SMARCA5: variants seen among roughly 807,000 people sequenced by gnomAD.
SMARCA5 encodes the protein SWI/SNF-related matrix-associated actin-dependent regulator of chromatin subfamily A member 5.
A neutral mutation model predicts 140.4 loss-of-function variants in SMARCA5; 18 were observed. The ratio of observed to expected loss-of-function variants is 0.13; its 90% confidence interval spans 0.09 to 0.19. SMARCA5 has a LOEUF of 0.19. Among genes scored for constraint, SMARCA5 ranks in the 10% least tolerant of loss-of-function variants. SMARCA5 has a pLI of 1.00. For missense variants in SMARCA5, 606 were observed against 1,276.8 expected (o/e 0.47, Z 8.01); for synonymous variants, 449 against 419.6 (o/e 1.07, Z -0.86).
In SMARCA5 at chr4:143,539,025, C is replaced by T; in HGVS notation, c.1770+87C>T. 3.5e-6 allele frequency: 4 copies of T among 1,158,574 alleles called. No homozygotes were observed. In the South Asian group the frequency reaches 5.7e-5, roughly 17 times the overall value. The allele number at this position is 1,158,574 out of a possible 1,614,324, so 71.8% of individuals were successfully genotyped here. On this transcript the variant is annotated intron_variant, in intron 13 of 23. Transcript: ENST00000283131. ...ATTCTACAAATATCAGTGACTTAAC[C>T]CAATAGAATTTTATTTTTCTCTAAT...
At chr4:143,527,161 A>C (rs1737091477) in intron 6 of SMARCA5, among the ~76,000 whole-genome samples, 1 of 152,224 alleles carries the variant, frequency 6.6e-6, no homozygotes, top group South Asian at 2.1e-4. Context: ...AAATAAGTTA[A>C]AATTTCGATC....
chr4:143,554,947 T>C lies in SMARCA5; in HGVS notation c.*1763T>C. 1 of 393,946 alleles carries C rather than the reference T, an allele frequency of 2.5e-6. No individual in the cohort carries two copies. Among genetic ancestry groups the C allele is most frequent in the South Asian group, 2.2e-5 (1 of 45,956 alleles). The allele number at this position is 393,946 out of a possible 1,614,324, so 24.4% of individuals were successfully genotyped here. Reference sequence around the variant, plus strand: ...GAAACTGTGTGAAGGGAAACTCACTTGAAAAAAAAGCATGAACCAGCTAGG... The same window carrying C: ...GAAACTGTGTGAAGGGAAACTCACTCGAAAAAAAAGCATGAACCAGCTAGG... On this transcript the variant is annotated 3_prime_UTR_variant, in exon 24 of 24. Transcript: ENST00000283131.
chr4:143,555,338 T>C lies in SMARCA5; in HGVS notation c.*2154T>C. The C allele has an allele frequency of 1.4e-6, 1 of 730,258 alleles. No homozygotes were observed. 45.2% of individuals were successfully genotyped at this position (730,258 alleles called of 1,614,324 possible). ...ATTGCTTCAATCATTACCAAATCTA[T>C]TATAGCAATCCCCACTGCCACCATA... On this transcript the variant is annotated 3_prime_UTR_variant, in exon 24 of 24. Coordinates refer to ENST00000283131, the MANE Select transcript of SMARCA5 (RefSeq NM_003601.4).
chr4:143,521,335 G>C (rs1274089521), intron 2 of SMARCA5, 94 bp from the exon 3 acceptor site: 2 of 635,950 alleles, frequency 3.1e-6, no homozygotes, highest in South Asian at 6.2e-5. Flanking sequence ...TTTTTTTTTT[G>C]CTGAGTTCAT....
chr4:143,533,057 A>G (rs1737228501), intron 9 of SMARCA5, among the ~76,000 whole-genome samples: 1 of 152,228 alleles, frequency 6.6e-6, no homozygotes, highest in African/African-American at 2.4e-5. Flanking sequence ...GAACAGAGGT[A>G]CAAAAAAGGG....
chr4:143,547,996 T>C lies in SMARCA5; in HGVS notation c.2841T>C (p.Tyr947=). 6.2e-7 allele frequency: 1 copy of C among 1,611,684 alleles called. No homozygotes were observed. Among genetic ancestry groups the C allele is most frequent in the South Asian group, 1.1e-5 (1 of 91,006 alleles). The part of the protein sequence containing the change: ...ISYGTNKGKN[Y]TEEEDRFLIC... ...ATGGTACTAACAAAGGAAAAAACTATACTGAAGAAGAAGATCGTTTTCTGA... is the reference window on the plus strand; with the variant it reads ...ATGGTACTAACAAAGGAAAAAACTACACTGAAGAAGAAGATCGTTTTCTGA... Residue 947 remains tyrosine, a synonymous_variant, in exon 22 of 24, where the codon TAT becomes TAC. Transcript: ENST00000283131.
chr4:143,549,633 A>G (rs1049225231), intron 22 of SMARCA5, among the ~76,000 whole-genome samples: 1 of 152,110 alleles, frequency 6.6e-6, no homozygotes, highest in Non-Finnish European at 1.5e-5. Flanking sequence ...TGACCCTCAC[A>G]TATGTGCACT....
intron 3 of SMARCA5, 81 bp from the exon 4 acceptor site, chr4:143,524,286 C>T: frequency 2.2e-6 from 2 of 895,954 alleles, no homozygotes; most frequent in South Asian, 3.8e-5. Flanking sequence ...TCTTGGTCAG[C>T]CACTTGACTA....
At chr4:143,524,719 C>T (rs898526480) in intron 4 of SMARCA5, among the ~76,000 whole-genome samples, 2 of 152,070 alleles carry the variant, frequency 1.3e-5, no homozygotes, top group East Asian at 1.9e-4. Flanking sequence ...ATCTAAGGAT[C>T]GTTTTGCTTT....
chr4:143,521,296 A>T (rs1578791673), intron 2 of SMARCA5, 133 bp from the exon 3 acceptor site: 3 of 598,838 alleles, frequency 5.0e-6, no homozygotes, highest in Non-Finnish European at 8.7e-6. Flanking sequence ...TTTGAAACTC[A>T]TCCATGTTGC....
chr4:143,514,995 T>G (rs974132788), intron 1 of SMARCA5, among the ~76,000 whole-genome samples: 1 of 152,180 alleles, frequency 6.6e-6, no homozygotes, highest in Non-Finnish European at 1.5e-5. Flanking sequence ...TGGATATGCT[T>G]CCAGGCTTTG....
chr4:143,522,140 A>G (rs1485638202), intron 3 of SMARCA5, among the ~76,000 whole-genome samples: 1 of 152,172 alleles, frequency 6.6e-6, no homozygotes, highest in African/African-American at 2.4e-5. Context: ...AGATGTTGAC[A>G]GTATTTTATC....
rs139038706 is a variant in SMARCA5 at position 143,531,568 on chromosome 4, C to G, written c.1158+1042C>G. Reference sequence around the variant, plus strand: ...AGCATGTTTAATAGCATCCCTGATACTTTTACTCACTAGATGGCAGTAGTA... The same window carrying G: ...AGCATGTTTAATAGCATCCCTGATAGTTTTACTCACTAGATGGCAGTAGTA... On this transcript the variant is annotated intron_variant, in intron 9 of 23. Coordinates refer to ENST00000283131, the MANE Select transcript of SMARCA5 (RefSeq NM_003601.4). 1.8e-3 allele frequency among the ~76,000 whole-genome samples: 270 copies of G among 152,270 alleles called. 1 individual carries two copies. The highest frequency in any genetic ancestry group is 6.1e-3 in the African/African-American group (255 of 41,554).
At chr4:143,534,818 A>G in intron 9 of SMARCA5, 37 bp from the exon 10 acceptor site, 2 of 1,421,756 alleles carry the variant, frequency 1.4e-6, no homozygotes, top group Non-Finnish European at 9.7e-7. Context: ...CTTATGTGTA[A>G]TATTGGTATT....
rs762920598 is a variant in SMARCA5, at chr4:143,513,808, G to A, written c.-117G>A. On this transcript the variant is annotated 5_prime_UTR_variant, in exon 1 of 24. The change creates a new upstream start codon in the 5' untranslated region. Transcript: ENST00000283131. ...AGGCGCGGCGCAGGGGAGCGCTCGG[G>A]TGGGAGTCTCGCTCCTCCACCAGTT... is the stretch of plus-strand genomic sequence containing the variant. 14 of 1,221,196 alleles carry A rather than the reference G, an allele frequency of 1.1e-5. No homozygotes were observed. The highest frequency in any genetic ancestry group is 1.6e-5 in the Non-Finnish European group (14 of 890,280). The allele number at this position is 1,221,196 out of a possible 1,614,324, so 75.6% of individuals were successfully genotyped here.
chr4:143,540,570 G>A, intron 14 of SMARCA5, 75 bp downstream of exon 14: 1 of 1,402,064 alleles, frequency 7.1e-7, no homozygotes, highest in Non-Finnish European at 9.8e-7. Flanking sequence ...CGTCTTAGAA[G>A]ATTCTTGTTA....
intron 2 of SMARCA5, among the ~76,000 whole-genome samples, chr4:143,518,787 C>T (rs1351192617): frequency 1.3e-5 from 2 of 151,656 alleles, no homozygotes; most frequent in Non-Finnish European, 2.9e-5. Flanking sequence ...ATAGATTTGC[C>T]GCTCTGTTTT....
intron 8 of SMARCA5, 54 bp from the exon 9 acceptor site, chr4:143,530,404 G>C: frequency 9.1e-7 from 1 of 1,104,456 alleles, no homozygotes; most frequent in Non-Finnish European, 1.3e-6. Context: ...GGTATTATAG[G>C]GTATTTGTTA....
In SMARCA5 at chr4:143,513,921, C is replaced by T. The variant is rs377295689; in HGVS notation, c.-4C>T. ...GCAGCAGCGGGTGACGCAGACGGAA[C>T]ATCATGTCGTCCGCGGCCGAGCCTC... is the stretch of plus-strand genomic sequence containing the variant. On this transcript the variant is annotated 5_prime_UTR_variant, in exon 1 of 24. Coordinates refer to ENST00000283131, the MANE Select transcript of SMARCA5 (RefSeq NM_003601.4). The T allele has an allele frequency of 1.0e-3, 1,589 of 1,542,208 alleles. 20 individuals carry two copies. The South Asian group carries it at 0.015, about 14-fold the overall frequency.
Sources: gnomAD v4.1 joint callset for allele counts (sites outside exome capture counted in the v4.1 genomes callset) on GRCh38, gnomAD v4.1.1 for gene constraint, MANE v1.5 for transcripts, NCBI Gene and HGNC (gene_info 2026-07-23, HGNC 2026-07-21) for gene names.